CACNA1I: variants seen among roughly 807,000 people sequenced by gnomAD.
CACNA1I encodes calcium voltage-gated channel subunit alpha1 I.
CACNA1I carries 74 observed loss-of-function variants against 201.6 expected under a neutral mutation model. The ratio of observed to expected loss-of-function variants is 0.37; its 90% CI spans 0.30 to 0.45. CACNA1I has a LOEUF of 0.45. Ranked by LOEUF, CACNA1I falls within the 20% of genes least tolerant of loss-of-function variation. The pLI is 1.00. For synonymous variants in CACNA1I, 1,431 were observed against 1,345.2 expected (o/e 1.06, Z -1.40); for missense variants, 2,346 against 3,138.1 (o/e 0.75, Z 6.03).
intron 10 of CACNA1I, among the ~76,000 whole-genome samples, chr22:39,656,259 G>C (rs1934815526): frequency 6.6e-6 from 1 of 152,142 alleles, no homozygotes; most frequent in Non-Finnish European, 1.5e-5. Flanking sequence ...AACCCACATG[G>C]AGTCGGAGTC....
rs1233634853 is a variant in CACNA1I at position 39,661,995 on chromosome 22, T to C, written c.2932T>C (p.Trp978Arg). ...CTCCCGGAGCTCCTACTACGGGCCATGGGGCCGCAGCGCGGCCTGGGCCAG... is the reference window on the plus strand; with the variant it reads ...CTCCCGGAGCTCCTACTACGGGCCACGGGGCCGCAGCGCGGCCTGGGCCAG... ...SSSRSSYYGPWGRSAAWASRR... is the reference protein window; with the variant it reads ...SSSRSSYYGPRGRSAAWASRR... The change falls in exon 17 of 37, where the codon TGG becomes CGG. Residue 978 changes from tryptophan to arginine, a missense_variant. Coordinates refer to ENST00000402142, the MANE Select transcript of CACNA1I (RefSeq NM_021096.4). 6.4e-7 allele frequency: 1 copy of C among 1,562,402 alleles called. No individual in the cohort carries two copies. Among genetic ancestry groups the C allele is most frequent in the East Asian group, 2.4e-5 (1 of 40,882 alleles).
At chr22:39,609,220 A>G (rs1933310651) in intron 3 of CACNA1I, among the ~76,000 whole-genome samples, 1 of 152,212 alleles carries the variant, frequency 6.6e-6, no homozygotes, top group African/African-American at 2.4e-5. Context: ...GACAGGAGTA[A>G]CTTGCCTGAG....
Position 39,677,208 on chromosome 22 carries a change from A to G in CACNA1I, c.4855-133A>G. The G allele has an allele frequency of 1.6e-6, 1 of 622,374 alleles. No individual in the cohort carries two copies. The highest frequency in any genetic ancestry group is 2.9e-6 in the Non-Finnish European group (1 of 349,004). 38.6% of individuals were successfully genotyped at this position (622,374 alleles called of 1,614,324 possible). ...GTAGGGGTGGCAGACGTGGACACAC[A>G]GCCTGGGGGAATGTTACAGCTGCTC... On this transcript the variant is annotated intron_variant, in intron 29 of 36. Transcript: ENST00000402142. The surrounding 1 kb of genome is among the most constrained non-coding windows in gnomAD (Gnocchi z 4.8).
intron 25 of CACNA1I, 83 bp downstream of exon 25, chr22:39,670,313 G>A: frequency 1.0e-5 from 14 of 1,391,216 alleles, no homozygotes; most frequent in Non-Finnish European, 1.4e-5. Context: ...CTGAGCCTTT[G>A]GAGCTGGAAG....
intron 10 of CACNA1I, among the ~76,000 whole-genome samples, chr22:39,654,396 CAG>C (rs1192425963): frequency 2.6e-5 from 4 of 152,176 alleles, no homozygotes; most frequent in Non-Finnish European, 4.4e-5. Flanking sequence ...GAACAAAAAA[CAG>C]AGGGTTGGGG....
rs548581316 is a variant in CACNA1I at position 39,629,531 on chromosome 22, A to ATGG, written c.581-5034_581-5033insTGG. On this transcript the variant is annotated intron_variant, in intron 4 of 36. Transcript: ENST00000402142. This position sits in a 1 kb window ranked among gnomAD's most constrained non-coding sequence, Gnocchi z 4.8. The stretch of plus-strand genomic sequence containing the variant: ...GGTTTATCACAATGATGAATGTATG[A>ATGG]CGGCCAGGCAGGGCCAGGCAGGACG... Among the ~76,000 whole-genome samples, 5 of 141,902 alleles carry ATGG rather than the reference A, an allele frequency of 3.5e-5. No individual in the cohort carries two copies. In the East Asian group the frequency reaches 1.1e-3, roughly 31 times the overall value. 93.1% of individuals were successfully genotyped at this position (141,902 alleles called of 152,430 possible).
In CACNA1I at chr22:39,659,420, A is replaced by G. The variant is rs368533063; in HGVS notation, c.2331-13A>G. ...CATGTGAGTCCGATGAGCCTCTTCC[A>G]TCCTTTCCCCAGCATCCTTGGGATG... is the stretch of plus-strand genomic sequence containing the variant. On this transcript the variant is annotated splice_polypyrimidine_tract_variant and intron_variant, in intron 12 of 36. Transcript: ENST00000402142. This position sits in a 1 kb window ranked among gnomAD's most constrained non-coding sequence, Gnocchi z 4.3. 2 of 1,524,208 alleles carry G rather than the reference A, an allele frequency of 1.3e-6. No individual in the cohort carries two copies. The highest frequency in any genetic ancestry group is 1.8e-6 in the Non-Finnish European group (2 of 1,120,848). The allele number at this position is 1,524,208 out of a possible 1,614,324, so 94.4% of individuals were successfully genotyped here. A position where few individuals can be genotyped will look rare whatever the true frequency, so the allele number is the denominator to read the frequency against.
Position 39,600,513 on chromosome 22 carries a change from C to A in CACNA1I, c.349-7C>A. ...TGTCCCTTGCTTCCCTCCTCCTGCCCCTGCAGGTCTTTGATGACTTCATCT... is the reference window on the plus strand; with the variant it reads ...TGTCCCTTGCTTCCCTCCTCCTGCCACTGCAGGTCTTTGATGACTTCATCT... On this transcript the variant is annotated splice_region_variant and splice_polypyrimidine_tract_variant and intron_variant, in intron 2 of 36. Transcript: ENST00000402142. The A allele has an allele frequency of 6.2e-7, 1 of 1,610,608 alleles. No homozygotes were observed.
At chr22:39,576,604 AT>A (rs1271988285) in intron 1 of CACNA1I, among the ~76,000 whole-genome samples, 4 of 152,214 alleles carry the variant, frequency 2.6e-5, no homozygotes, top group Non-Finnish European at 5.9e-5. Context: ...GCAGTGATGC[AT>A]AGTGCGGAAG....
In CACNA1I at chr22:39,660,273, A is replaced by T. The variant is rs555065644; in HGVS notation, c.2605-71A>T. The T allele has an allele frequency of 2.4e-6, 3 of 1,229,158 alleles. No homozygotes were observed. The South Asian group carries it at 4.3e-5, about 18-fold the overall frequency. The allele number at this position is 1,229,158 out of a possible 1,614,324, so 76.1% of individuals were successfully genotyped here. ...AATGGCGGTGGAAACACCCATAGAA[A>T]AATTCTAGAGGGAGCTGGGAAGGGA... On this transcript the variant is annotated intron_variant, in intron 14 of 36. Coordinates refer to ENST00000402142, the MANE Select transcript of CACNA1I (RefSeq NM_021096.4).
rs1325574908 is a variant in CACNA1I at position 39,689,041 on chromosome 22, A to G, written c.*2636A>G. 1 of 152,762 alleles carries G rather than the reference A, an allele frequency of 6.5e-6. No homozygotes were observed. Among genetic ancestry groups the G allele is most frequent in the African/African-American group, 2.4e-5 (1 of 41,464 alleles). The allele number at this position is 152,762 out of a possible 1,614,324, so 9.5% of individuals were successfully genotyped here. On this transcript the variant is annotated 3_prime_UTR_variant, in exon 37 of 37. Transcript: ENST00000402142. ...AGTCAACATGGGTGAGGGTTGGGCA[A>G]AGGGCCCTTCCTTCCTCCCCAACCC...
intron 3 of CACNA1I, 140 bp from the exon 4 acceptor site, chr22:39,619,170 G>A (rs1474040924): frequency 1.3e-5 from 9 of 675,624 alleles, no homozygotes; most frequent in Non-Finnish European, 2.1e-5. Flanking sequence ...TGTTGGCCAG[G>A]TGTAGCTGGA....
chr22:39,598,791 C>T (rs1341309950), intron 2 of CACNA1I, among the ~76,000 whole-genome samples: 6 of 152,078 alleles, frequency 3.9e-5, no homozygotes, highest in African/African-American at 1.2e-4. Context: ...TGGGGCTTGA[C>T]CTTTGGTACC....
chr22:39,603,133 A>G (rs1933115840), intron 3 of CACNA1I, among the ~76,000 whole-genome samples: 1 of 148,644 alleles, frequency 6.7e-6, no homozygotes, highest in African/African-American at 2.5e-5. Flanking sequence ...TCTAGTCTTC[A>G]ACAAAGCAAG....
intron 10 of CACNA1I, among the ~76,000 whole-genome samples, chr22:39,654,103 G>C (rs1378047827): frequency 2.0e-5 from 3 of 152,234 alleles, no homozygotes; most frequent in Non-Finnish European, 4.4e-5. Flanking sequence ...GGGGCAGGCT[G>C]GGGGAGCATC....
chr22:39,617,930 C>T (rs1933595520), intron 3 of CACNA1I, among the ~76,000 whole-genome samples: 3 of 150,738 alleles, frequency 2.0e-5, no homozygotes, highest in Admixed American at 6.6e-5. Flanking sequence ...CTCTAGGTCT[C>T]TGTCACTTTT....
chr22:39,670,729 C>T, intron 25 of CACNA1I, 74 bp from the exon 26 acceptor site: 1 of 1,449,830 alleles, frequency 6.9e-7, no homozygotes, highest in Admixed American at 1.7e-5. Flanking sequence ...ACCTTTCTGT[C>T]CTTTGTGCTC....
chr22:39,677,859 TG>T lies in CACNA1I; in HGVS notation c.4934-125del. ...CCCGAGCCTCAGTTTATCTGTGGGC[TG>T]GGCACAGTCTGCAGGCCCCTCCTAG... On this transcript the variant is annotated intron_variant, in intron 30 of 36. Coordinates refer to ENST00000402142, the MANE Select transcript of CACNA1I (RefSeq NM_021096.4). This position sits in a 1 kb window ranked among gnomAD's most constrained non-coding sequence, Gnocchi z 4.8. The T allele has an allele frequency of 9.3e-7, 1 of 1,076,370 alleles. No individual in the cohort carries two copies. 66.7% of individuals were successfully genotyped at this position (1,076,370 alleles called of 1,614,324 possible). A position where few individuals can be genotyped will look rare whatever the true frequency, so the allele number is the denominator to read the frequency against.
Position 39,651,365 on chromosome 22 carries a change from T to C in CACNA1I, c.1992+1440T>C, listed in dbSNP as rs75880408. Among the ~76,000 whole-genome samples the C allele has an allele frequency of 6.4e-3, 979 of 152,300 alleles. 5 individuals carry two copies. The highest frequency in any genetic ancestry group is 0.022 in the African/African-American group (894 of 41,560). On this transcript the variant is annotated intron_variant, in intron 10 of 36. Coordinates refer to ENST00000402142, the MANE Select transcript of CACNA1I (RefSeq NM_021096.4). The stretch of plus-strand genomic sequence containing the variant: ...TCACCAAGCACAGGCTCCATTCAAT[T>C]TACTTAAATGGGGCTCCCGGGGCTG...
Sources: allele counts gnomAD v4.1 joint callset (sites outside exome capture counted in the v4.1 genomes callset), GRCh38; gene constraint gnomAD v4.1.1; non-coding constraint Gnocchi (gnomAD v3.1); transcripts MANE v1.5; gene names NCBI Gene and HGNC (gene_info 2026-07-23, HGNC 2026-07-21).